The following LRBA variants were observed in gnomAD, a reference collection of about 807,000 sequenced individuals.
The protein encoded by LRBA is LPS responsive beige-like anchor protein.
A neutral mutation model predicts 330.0 loss-of-function variants in LRBA; 176 were observed. The observed-to-expected ratio is 0.53, with a 90% CI of 0.47 to 0.60. The LOEUF (loss-of-function observed/expected upper bound fraction) is 0.60, where lower values mean the gene tolerates loss of function less well. Ranked by LOEUF, LRBA falls within the 20% of genes least tolerant of loss-of-function variation. The probability of loss-of-function intolerance (pLI) is 0.00; values close to 1 mark genes in which losing one functional copy is unlikely to be tolerated. For missense variants in LRBA, 3,259 were observed against 3,444.8 expected, an observed-to-expected ratio of 0.95 and a Z score of 1.35; for synonymous variants, 1,230 against 1,193.0, an observed-to-expected ratio of 1.03 and a Z score of -0.64.
chr4:150,312,236 G>C (rs1238640550), intron 51 of LRBA, among the ~76,000 whole-genome samples: 4 of 151,910 alleles, frequency 2.6e-5, no homozygotes, highest in Non-Finnish European at 5.9e-5. Context: ...ATTTAACATT[G>C]CCAAGTCCCC....
At chr4:150,489,517 A>G (rs1396300994) in intron 41 of LRBA, among the ~76,000 whole-genome samples, 2 of 106,580 alleles carry the variant, frequency 1.9e-5, no homozygotes, top group African/African-American at 7.8e-5. Context: ...AATATATAAT[A>G]TATAAGAATA....
chr4:150,868,283 G>A lies in LRBA; in HGVS notation c.2472C>T (p.Thr824=), dbSNP rs149235577. ...GGCACTGGGGAGAATTTCGAAGTAG[G>A]GTCGCAATTACTTTTAGTATCTCTG... The part of the protein sequence containing the change: ...QNPQILKVIA[T]LLRNSPQCPE... The change falls in exon 21 of 57, where the codon ACC becomes ACT. Residue 824 remains threonine, a synonymous_variant. Transcript: ENST00000651943. 481 of 1,610,916 alleles carry A rather than the reference G, an allele frequency of 3.0e-4. No individual in the cohort carries two copies. In the African/African-American group the frequency reaches 5.7e-3, roughly 19 times the overall value.
rs1268755184 is a variant in LRBA, at chr4:150,905,954, G to A, written c.1639C>T (p.Leu547Phe). Residue 547 changes from leucine (L) to phenylalanine (F), a missense_variant, in exon 13 of 57, where the codon CTT (leucine) becomes TTT (phenylalanine). Coordinates refer to ENST00000651943, the MANE Select transcript of LRBA (RefSeq NM_001364905.1). ...KSHVSRAVLELCLAFSKYLSN... is the reference protein window; with the variant it reads ...KSHVSRAVLEFCLAFSKYLSN... ...AGATATTTTGAAAATGCAAGGCAAA[G>A]TTCAAGTACTGCTCTGCTAACATGA... 6.2e-7 allele frequency: 1 copy of A among 1,613,660 alleles called. No homozygotes were observed. The highest frequency in any genetic ancestry group is 1.1e-5 in the South Asian group (1 of 91,054).
At chr4:150,267,458 C>G in intron 56 of LRBA, among the ~76,000 whole-genome samples, 1 of 151,824 alleles carries the variant, frequency 6.6e-6, no homozygotes, top group East Asian at 1.9e-4. Flanking sequence ...TAAGAGACAT[C>G]AGAAAATACT....
intron 47 of LRBA, among the ~76,000 whole-genome samples, chr4:150,383,946 TA>T (rs1742670190): frequency 1.3e-5 from 2 of 152,226 alleles, no homozygotes; most frequent in African/African-American, 4.8e-5. Flanking sequence ...TATGTAGCTT[TA>T]AAAGCATATT....
At chr4:150,649,681 T>C in intron 37 of LRBA, among the ~76,000 whole-genome samples, 1 of 152,180 alleles carries the variant, frequency 6.6e-6, no homozygotes, top group South Asian at 2.1e-4. Context: ...CACTAGGAAC[T>C]ATTACTTACT....
chr4:150,709,613 T>C (rs899216504), intron 36 of LRBA, among the ~76,000 whole-genome samples: 2 of 151,990 alleles, frequency 1.3e-5, no homozygotes, highest in African/African-American at 4.8e-5. Flanking sequence ...TGAATAATTA[T>C]TTACTGAGCA....
intron 48 of LRBA, among the ~76,000 whole-genome samples, chr4:150,341,104 G>C (rs533726717): frequency 6.6e-6 from 1 of 152,212 alleles, no homozygotes; most frequent in Non-Finnish European, 1.5e-5. Context: ...TATGGTGGCG[G>C]CTTGAACTAA....
At chr4:150,887,039 C>A (rs1729010174) in intron 17 of LRBA, among the ~76,000 whole-genome samples, 1 of 152,042 alleles carries the variant, frequency 6.6e-6, no homozygotes, top group Non-Finnish European at 1.5e-5. Context: ...GCTAACTACC[C>A]TGATTTGAAT....
intron 48 of LRBA, among the ~76,000 whole-genome samples, chr4:150,347,153 G>A (rs1166158645): frequency 6.6e-6 from 1 of 152,182 alleles, no homozygotes; most frequent in Non-Finnish European, 1.5e-5. Context: ...CTTCTATGAG[G>A]TATTCAGGGT....
rs192081953 is a variant in LRBA, at chr4:150,601,568, A to C, written c.5922-2437T>G. ...GGTCAAAATGGTGACATTTGGCTAA[A>C]ACAAAAACACCAATGCATCAGGGAA... On this transcript the variant is annotated intron_variant, in intron 37 of 56. Coordinates refer to ENST00000651943, the MANE Select transcript of LRBA (RefSeq NM_001364905.1). 1.4e-4 allele frequency among the ~76,000 whole-genome samples: 22 copies of C among 152,316 alleles called. 1 individual carries two copies. Among genetic ancestry groups the C allele is most frequent in the African/African-American group, 4.1e-4 (17 of 41,564 alleles).
chr4:150,904,532 T>A (rs1210139436), intron 13 of LRBA, among the ~76,000 whole-genome samples: 2 of 151,964 alleles, frequency 1.3e-5, no homozygotes, highest in Non-Finnish European at 2.9e-5. Context: ...ATAAGATGAA[T>A]TTTTTTTAAT....
chr4:150,907,271 G>T (rs1309019958), intron 11 of LRBA, among the ~76,000 whole-genome samples: 54 of 81,018 alleles, frequency 6.7e-4, no homozygotes, highest in South Asian at 1.5e-3. Flanking sequence ...AAGAGAGAAG[G>T]GGGGGAGAGG....
chr4:150,338,993 AC>A (rs980071289), intron 48 of LRBA, among the ~76,000 whole-genome samples: 4 of 151,014 alleles, frequency 2.6e-5, no homozygotes, highest in Admixed American at 6.7e-5. Flanking sequence ...ACACACACAC[AC>A]AAGTAGTGAA....
At chr4:150,503,631 A>G (rs1760610841) in intron 40 of LRBA, among the ~76,000 whole-genome samples, 1 of 152,174 alleles carries the variant, frequency 6.6e-6, no homozygotes, top group Non-Finnish European at 1.5e-5. Flanking sequence ...TAAAACCACA[A>G]AGATGGGGAA....
chr4:150,501,619 T>A (rs572565788), intron 40 of LRBA, among the ~76,000 whole-genome samples: 3 of 150,762 alleles, frequency 2.0e-5, no homozygotes, highest in African/African-American at 7.3e-5. Flanking sequence ...AAAAAAGGTA[T>A]CTACAATCTA....
chr4:150,380,657 C>T (rs1561093988), intron 47 of LRBA, among the ~76,000 whole-genome samples: 1 of 151,932 alleles, frequency 6.6e-6, no homozygotes, highest in East Asian at 1.9e-4. Context: ...ATTATTTTCT[C>T]TTGTTTATTT....
chr4:150,541,882 G>A (rs1561325517), intron 40 of LRBA, among the ~76,000 whole-genome samples: 3 of 151,948 alleles, frequency 2.0e-5, no homozygotes, highest in Admixed American at 2.0e-4. Flanking sequence ...GCAGTGTCTC[G>A]GTATGTTGCC....
chr4:150,536,946 A>G (rs1764715616), intron 40 of LRBA, among the ~76,000 whole-genome samples: 1 of 152,198 alleles, frequency 6.6e-6, no homozygotes, highest in African/African-American at 2.4e-5. Flanking sequence ...CTCTCAAACT[A>G]CCAATGTCAT....
Sources: allele counts gnomAD v4.1 joint callset (sites outside exome capture counted in the v4.1 genomes callset), GRCh38; gene constraint gnomAD v4.1.1; transcripts MANE v1.5; gene names NCBI Gene and HGNC (gene_info 2026-07-23, HGNC 2026-07-21).